URB1: variants seen among roughly 807,000 people sequenced by gnomAD.
URB1 encodes URB1 ribosome biogenesis factor, also known as nucleolar pre-ribosomal-associated protein 1.
URB1 carries 197 observed loss-of-function variants against 242.3 expected under a neutral mutation model. That is an observed-to-expected ratio of 0.81 (90% CI 0.72 to 0.91). The LOEUF is 0.91. Among genes scored for constraint, URB1 ranks in the 40% least tolerant of loss-of-function variants. The pLI, the probability that URB1 is intolerant of heterozygous loss-of-function variation, is 0.00. For synonymous variants in URB1, 1,153 were observed against 1,201.8 expected, an observed-to-expected ratio of 0.96 and a Z score of 0.84; for missense variants, 2,721 against 2,860.5, an observed-to-expected ratio of 0.95 and a Z score of 1.11.
intron 6 of URB1, among the ~76,000 whole-genome samples, chr21:32,374,796 T>C (rs781501415): frequency 3.3e-5 from 5 of 152,210 alleles, no homozygotes; most frequent in African/African-American, 4.8e-5. Context: ...TCTTCAGAGA[T>C]TGACAAATGT....
chr21:32,313,389 C>T lies in URB1; in HGVS notation c.*1529G>A, dbSNP rs1250458165. On this transcript the variant is annotated 3_prime_UTR_variant, in exon 39 of 39. Coordinates refer to ENST00000382751, the MANE Select transcript of URB1 (RefSeq NM_014825.3). ...ATTAAGGGGAACCAGGAAGAGAACGCTTTGTTGGAGCAGCGCTTGCCTGAG... is the reference window on the plus strand; with the variant it reads ...ATTAAGGGGAACCAGGAAGAGAACGTTTTGTTGGAGCAGCGCTTGCCTGAG... The T allele has an allele frequency of 1.3e-5, 2 of 152,254 alleles. No individual in the cohort carries two copies. Among genetic ancestry groups the T allele is most frequent in the Non-Finnish European group, 2.9e-5 (2 of 68,068 alleles). 9.4% of individuals were successfully genotyped at this position (152,254 alleles called of 1,614,324 possible).
At chr21:32,365,742 G>C (rs1409187421) in intron 10 of URB1, among the ~76,000 whole-genome samples, 5 of 152,196 alleles carry the variant, frequency 3.3e-5, no homozygotes, top group Admixed American at 2.0e-4. Context: ...AAAAAATGGT[G>C]AATCTCACCA....
chr21:32,361,159 A>AAAAAAAGAAAGAAAGAAAG (rs1555839834), intron 12 of URB1, 36 bp from the exon 13 acceptor site: 2 of 264,830 alleles, frequency 7.6e-6, no homozygotes, highest in African/African-American at 5.8e-5. Context: ...AAAAAGAGAA[A>AAAAAAAGAAAGAAAGAAAG]AAAGAAAGAA....
At chr21:32,376,980 G>A (rs1601155612) in intron 5 of URB1, among the ~76,000 whole-genome samples, 1 of 152,052 alleles carries the variant, frequency 6.6e-6, no homozygotes, top group Non-Finnish European at 1.5e-5. Flanking sequence ...ATTTTTAATC[G>A]CTGCATTCCA....
At chr21:32,362,138 G>T in intron 11 of URB1, 117 bp from the exon 12 acceptor site, 2 of 1,315,434 alleles carry the variant, frequency 1.5e-6, no homozygotes, top group Non-Finnish European at 2.0e-6. Flanking sequence ...CTAGAGGAGT[G>T]CGTGTAAGAA....
rs959237309 is a variant in URB1 at position 32,314,774 on chromosome 21, T to C, written c.*144A>G. 3.5e-6 allele frequency: 5 copies of C among 1,447,168 alleles called. No individual in the cohort carries two copies. In the South Asian group the frequency reaches 6.2e-5, roughly 18 times the overall value. The allele number at this position is 1,447,168 out of a possible 1,614,324, so 89.6% of individuals were successfully genotyped here. On this transcript the variant is annotated 3_prime_UTR_variant, in exon 39 of 39. Coordinates refer to ENST00000382751, the MANE Select transcript of URB1 (RefSeq NM_014825.3). ...CAGTTCAATAAAGTCCTCTCAACTT[T>C]TCTTGTCAAAGAACTGAGCCAATGT...
At position 32,321,950 on chromosome 21, in the gene URB1, A is replaced by T; in HGVS notation, c.5341-6T>A. 6.4e-7 allele frequency: 1 copy of T among 1,550,430 alleles called. No individual in the cohort carries two copies. Among genetic ancestry groups the T allele is most frequent in the South Asian group, 1.2e-5 (1 of 84,028 alleles). On this transcript the variant is annotated splice_region_variant and splice_polypyrimidine_tract_variant and intron_variant, in intron 33 of 38. Transcript: ENST00000382751. ...CACTTCTGCTCTGTTTTTTGCTATAACCCAGGCACACAAAAAACTGTTGTT... is the reference window on the plus strand; with the variant it reads ...CACTTCTGCTCTGTTTTTTGCTATATCCCAGGCACACAAAAAACTGTTGTT...
intron 22 of URB1, 102 bp from the exon 23 acceptor site, chr21:32,345,677 T>C: frequency 8.1e-7 from 1 of 1,236,086 alleles, no homozygotes; most frequent in Non-Finnish European, 1.1e-6. Context: ...AGGTATCCTG[T>C]GACCCTGGTG....
rs909621657 is a variant in URB1, at chr21:32,363,034, C to T, written c.1509+122G>A. ...AGCACCCACGCTACCACACTGCCCACCGGCCTGTCCAACCCTGCGGCTCCA... is the reference window on the plus strand; with the variant it reads ...AGCACCCACGCTACCACACTGCCCATCGGCCTGTCCAACCCTGCGGCTCCA... On this transcript the variant is annotated intron_variant, in intron 11 of 38. Coordinates refer to ENST00000382751, the MANE Select transcript of URB1 (RefSeq NM_014825.3). 47 of 1,298,314 alleles carry T rather than the reference C, an allele frequency of 3.6e-5. No homozygotes were observed. In the African/African-American group the frequency reaches 6.9e-4, roughly 19 times the overall value. The allele number at this position is 1,298,314 out of a possible 1,614,324, so 80.4% of individuals were successfully genotyped here.
chr21:32,337,949 G>T lies in URB1; in HGVS notation c.4511-435C>A, dbSNP rs149180276. On this transcript the variant is annotated intron_variant, in intron 26 of 38. Coordinates refer to ENST00000382751, the MANE Select transcript of URB1 (RefSeq NM_014825.3). ...AAGCCAATACAGATTTTCAATCCAG[G>T]CATGTTTTCCCCATGACTGTGCTAC... is the stretch of plus-strand genomic sequence containing the variant. Among the ~76,000 whole-genome samples the T allele has an allele frequency of 1.4e-3, 206 of 152,208 alleles. 1 individual carries two copies. Among genetic ancestry groups the T allele is most frequent in the African/African-American group, 4.7e-3 (197 of 41,530 alleles).
intron 12 of URB1, 51 bp from the exon 13 acceptor site, chr21:32,361,174 A>AGAAAGAAC: frequency 1.4e-6 from 1 of 733,426 alleles, no homozygotes; most frequent in Non-Finnish European, 2.1e-6. Context: ...AAAGAAAGAA[A>AGAAAGAAC]GAAAGAAAGA....
chr21:32,312,432 T>G lies in URB1; in HGVS notation c.*2486A>C. On this transcript the variant is annotated 3_prime_UTR_variant, in exon 39 of 39. Coordinates refer to ENST00000382751, the MANE Select transcript of URB1 (RefSeq NM_014825.3). ...CCAAGCTCCACTAACACCCGCCGGC[T>G]CCCCCAGATGTGATGGCATCTGCCC... is the stretch of plus-strand genomic sequence containing the variant. 3.1e-4 allele frequency: 201 copies of G among 648,662 alleles called. No homozygotes were observed. The highest frequency in any genetic ancestry group is 6.8e-4 in the Middle Eastern group (1 of 1,466). The allele number at this position is 648,662 out of a possible 1,614,324, so 40.2% of individuals were successfully genotyped here.
intron 21 of URB1, 143 bp from the exon 22 acceptor site, chr21:32,347,954 C>A (rs1350827221): frequency 1.1e-5 from 15 of 1,338,668 alleles, no homozygotes; most frequent in Non-Finnish European, 4.9e-6. Context: ...CTCAAGCCTA[C>A]ATTTCCATGC....
intron 5 of URB1, 104 bp from the exon 6 acceptor site, chr21:32,375,587 C>T: frequency 1.6e-6 from 1 of 611,644 alleles, no homozygotes; most frequent in Non-Finnish European, 2.6e-6. Flanking sequence ...ATGCCATTTA[C>T]TTTTTCAAGT....
intron 28 of URB1, among the ~76,000 whole-genome samples, chr21:32,334,914 C>A (rs1045128342): frequency 6.6e-6 from 1 of 152,176 alleles, no homozygotes; most frequent in African/African-American, 2.4e-5. Context: ...TCAACCGCCA[C>A]CACAGCTGTC....
Position 32,325,346 on chromosome 21 carries a change from C to CAG in URB1, c.5002_5003dup (p.Gly1669TrpfsTer3). ...TGCTGAGGGCTGTGACAGTTAGGCC[C>CAG]AGAGCATTTGAATCCAAAAATTTTC... On this transcript the variant is annotated frameshift_variant, in exon 31 of 39. Transcript: ENST00000382751. LOFTEE classifies it high-confidence loss of function. 1 of 1,551,616 alleles carries CAG rather than the reference C, an allele frequency of 6.4e-7. No homozygotes were observed. The highest frequency in any genetic ancestry group is 8.7e-7 in the Non-Finnish European group (1 of 1,146,910).
At chr21:32,380,915 G>A (rs937808999) in intron 4 of URB1, among the ~76,000 whole-genome samples, 1 of 152,182 alleles carries the variant, frequency 6.6e-6, no homozygotes, top group Non-Finnish European at 1.5e-5. Flanking sequence ...GTACACAGCA[G>A]AACTAGACCT....
chr21:32,339,120 G>C (rs1019859281), intron 25 of URB1, among the ~76,000 whole-genome samples: 2 of 152,096 alleles, frequency 1.3e-5, no homozygotes, highest in Non-Finnish European at 2.9e-5. Context: ...TCAGCCTCCA[G>C]AGTAACTGGG....
At chr21:32,345,908 C>G (rs1458477835) in intron 22 of URB1, among the ~76,000 whole-genome samples, 1 of 152,152 alleles carries the variant, frequency 6.6e-6, no homozygotes, top group Non-Finnish European at 1.5e-5. Context: ...TTCTTCAAAG[C>G]CATGGAATAG....
Sources: gnomAD v4.1 joint callset for allele counts (sites outside exome capture counted in the v4.1 genomes callset) on GRCh38, gnomAD v4.1.1 for gene constraint, MANE v1.5 for transcripts, NCBI Gene and HGNC (gene_info 2026-07-23, HGNC 2026-07-21) for gene names.